The following STIM1 variants were observed in gnomAD, a reference collection of about 807,000 sequenced individuals.
STIM1 encodes the protein stromal interaction molecule 1.
Under a neutral mutation model 74.7 loss-of-function variants are expected in STIM1, and 25 were observed. That is an observed-to-expected ratio of 0.33 (90% CI 0.24 to 0.47). The LOEUF is 0.47. Ranked by LOEUF, STIM1 falls within the 20% of genes least tolerant of loss-of-function variation. STIM1 has a pLI of 1.00. For synonymous variants in STIM1, 328 were observed against 348.8 expected (o/e 0.94, Z 0.66); for missense variants, 728 against 920.8 (o/e 0.79, Z 2.71).
intron 2 of STIM1, among the ~76,000 whole-genome samples, chr11:4,012,818 T>C (rs1380176855): frequency 8.5e-5 from 13 of 152,230 alleles, no homozygotes. Flanking sequence ...TCAAAGGGTA[T>C]GTTTCCAGCT....
At chr11:4,018,458 CAAAAA>C (rs1157096857) in intron 2 of STIM1, among the ~76,000 whole-genome samples, 17 of 20,556 alleles carry the variant, frequency 8.3e-4, no homozygotes, top group Non-Finnish European at 6.9e-4. Flanking sequence ...GACTCCGTCT[CAAAAA>C]AAAAAAAAAA....
chr11:3,901,371 C>A (rs1429894094), intron 1 of STIM1, among the ~76,000 whole-genome samples: 1 of 152,094 alleles, frequency 6.6e-6, no homozygotes, highest in Non-Finnish European at 1.5e-5. Flanking sequence ...TCAAAAACCA[C>A]CTATTGACAT....
intron 1 of STIM1, among the ~76,000 whole-genome samples, chr11:3,944,674 G>T (rs1231983450): frequency 6.6e-6 from 1 of 152,190 alleles, no homozygotes; most frequent in Non-Finnish European, 1.5e-5. Flanking sequence ...CGCCATGTGG[G>T]CCTCATTTGT....
intron 1 of STIM1, among the ~76,000 whole-genome samples, chr11:3,912,301 T>G (rs1403173979): frequency 6.7e-6 from 1 of 149,158 alleles, no homozygotes; most frequent in Non-Finnish European, 1.5e-5. Context: ...TCTTTCTTTT[T>G]TTCCAAGCTA....
intron 1 of STIM1, among the ~76,000 whole-genome samples, chr11:3,964,869 T>G (rs2135725949): frequency 6.6e-6 from 1 of 151,872 alleles, no homozygotes; most frequent in Admixed American, 6.6e-5. Context: ...GGACCACAGG[T>G]GTGTGCCATC....
At chr11:3,999,530 G>A (rs2093692738) in intron 2 of STIM1, 1 of 152,266 alleles carries the variant, frequency 6.6e-6, no homozygotes, top group African/African-American at 2.4e-5. Flanking sequence ...GCCATGAGAT[G>A]TTAAGTAAGG....
chr11:4,073,862 T>G (rs1028815517), intron 6 of STIM1, among the ~76,000 whole-genome samples: 1 of 152,158 alleles, frequency 6.6e-6, no homozygotes, highest in East Asian at 1.9e-4. Context: ...TTAATTTGTT[T>G]TGTGCTTCTG....
intron 1 of STIM1, among the ~76,000 whole-genome samples, chr11:3,911,579 G>A (rs1028472345): frequency 6.6e-6 from 1 of 151,894 alleles, no homozygotes; most frequent in Non-Finnish European, 1.5e-5. Flanking sequence ...TAGAGACGGG[G>A]TCTCCTTCTG....
chr11:4,063,930 G>C (rs1590684796), intron 5 of STIM1, among the ~76,000 whole-genome samples: 1 of 152,202 alleles, frequency 6.6e-6, no homozygotes, highest in African/African-American at 2.4e-5. Context: ...CAGGAGGTCT[G>C]TTCCTTCCTG....
At chr11:3,908,101 A>C (rs759694555) in intron 1 of STIM1, among the ~76,000 whole-genome samples, 7 of 152,294 alleles carry the variant, frequency 4.6e-5, no homozygotes, top group Non-Finnish European at 1.0e-4. Context: ...TTAGTTCCAT[A>C]AGAGCAGGGG....
intron 1 of STIM1, among the ~76,000 whole-genome samples, chr11:3,887,500 A>G (rs1397616185): frequency 2.6e-5 from 4 of 152,184 alleles, no homozygotes; most frequent in African/African-American, 9.7e-5. Context: ...GTGCCGACCT[A>G]CTGACTCTGT....
chr11:4,005,398 C>T (rs1046359795), intron 2 of STIM1, among the ~76,000 whole-genome samples: 4 of 152,136 alleles, frequency 2.6e-5, no homozygotes, highest in Non-Finnish European at 5.9e-5. Flanking sequence ...GCATACTATG[C>T]AGCCATAAAA....
intron 3 of STIM1, among the ~76,000 whole-genome samples, chr11:4,030,238 A>C (rs575443542): frequency 1.4e-4 from 22 of 151,848 alleles, no homozygotes; most frequent in Non-Finnish European, 2.5e-4. Flanking sequence ...CTGAGGCTGG[A>C]GAATTGTTTG....
At chr11:3,987,607 A>G (rs1027582726) in intron 2 of STIM1, among the ~76,000 whole-genome samples, 3 of 152,158 alleles carry the variant, frequency 2.0e-5, no homozygotes, top group African/African-American at 4.8e-5. Context: ...GATGCTTTCA[A>G]TATGTCTGAT....
chr11:4,074,494 C>G lies in STIM1; in HGVS notation c.792-8C>G. On this transcript the variant is annotated splice_polypyrimidine_tract_variant and splice_region_variant and intron_variant, in intron 6 of 12. Transcript: ENST00000526596. ...GGCCTCCTCCAGCTCCCTGCATTGC[C>G]CCCCCAGGCTGCACAAGGCCCAGGA... The G allele has an allele frequency of 1.2e-6, 2 of 1,613,218 alleles. No individual in the cohort carries two copies. Among genetic ancestry groups the G allele is most frequent in the Non-Finnish European group, 1.7e-6 (2 of 1,179,938 alleles).
intron 1 of STIM1, among the ~76,000 whole-genome samples, chr11:3,949,838 C>T (rs1217871788): frequency 1.3e-5 from 2 of 152,116 alleles, no homozygotes; most frequent in Non-Finnish European, 2.9e-5. Context: ...TAAAATCCAC[C>T]AATCTTGTTC....
chr11:4,040,071 G>T (rs1412724368), intron 3 of STIM1, among the ~76,000 whole-genome samples: 2 of 151,878 alleles, frequency 1.3e-5, no homozygotes, highest in African/African-American at 4.8e-5. Context: ...GCTCAGCCCT[G>T]ATGGTATTTT....
At chr11:4,034,184 G>A (rs1247600698) in intron 3 of STIM1, among the ~76,000 whole-genome samples, 1 of 151,894 alleles carries the variant, frequency 6.6e-6, no homozygotes. Context: ...AGCCAAGATT[G>A]TGCCACTGCA....
At chr11:3,914,719 C>T (rs556003571) in intron 1 of STIM1, among the ~76,000 whole-genome samples, 3 of 152,288 alleles carry the variant, frequency 2.0e-5, no homozygotes, top group East Asian at 1.9e-4. Context: ...GGACTACAGG[C>T]GTGAGCTACC....
Sources: allele counts gnomAD v4.1 joint callset (sites outside exome capture counted in the v4.1 genomes callset), GRCh38; gene constraint gnomAD v4.1.1; transcripts MANE v1.5; gene names NCBI Gene and HGNC (gene_info 2026-07-23, HGNC 2026-07-21).